The following LDLRAD4 variants were observed in gnomAD, a reference collection of about 807,000 sequenced individuals.
The protein encoded by LDLRAD4 is low-density lipoprotein receptor class A domain-containing protein 4.
Under a neutral mutation model 17.0 loss-of-function variants are expected in LDLRAD4, and 5 were observed. That is an observed-to-expected ratio of 0.29 (90% CI 0.15 to 0.62). LDLRAD4 has a LOEUF of 0.62. LDLRAD4 is among the 20% of genes least tolerant of loss of function. LDLRAD4 has a pLI of 0.84. For missense variants in LDLRAD4, 340 were observed against 424.7 expected, an observed-to-expected ratio of 0.80 and a Z score of 1.75; for synonymous variants, 168 against 171.8, an observed-to-expected ratio of 0.98 and a Z score of 0.17.
intron 3 of LDLRAD4, among the ~76,000 whole-genome samples, chr18:13,549,129 T>C (rs1009446488): frequency 1.3e-5 from 2 of 152,272 alleles, no homozygotes; most frequent in South Asian, 4.1e-4. Flanking sequence ...GGGGGTGGGC[T>C]GGTTGAGATG....
chr18:13,313,682 A>C (rs2080776098), intron 1 of LDLRAD4, among the ~76,000 whole-genome samples: 1 of 152,176 alleles, frequency 6.6e-6, no homozygotes, highest in African/African-American at 2.4e-5. Context: ...TACTGCGTTT[A>C]ATTGTACTTA....
intron 3 of LDLRAD4, among the ~76,000 whole-genome samples, chr18:13,480,776 T>C (rs1161036993): frequency 6.6e-6 from 1 of 152,210 alleles, no homozygotes; most frequent in Admixed American, 6.5e-5. Flanking sequence ...AGTGGAAGAA[T>C]GCTTTTAAAG....
intron 2 of LDLRAD4, among the ~76,000 whole-genome samples, chr18:13,396,256 A>C (rs1431132434): frequency 6.6e-6 from 1 of 152,216 alleles, no homozygotes; most frequent in African/African-American, 2.4e-5. Context: ...AAAGAATACA[A>C]AATAATAACG....
At chr18:13,531,261 A>G (rs1313954137) in intron 3 of LDLRAD4, among the ~76,000 whole-genome samples, 2 of 152,188 alleles carry the variant, frequency 1.3e-5, no homozygotes, top group Non-Finnish European at 2.9e-5. Flanking sequence ...GTACGGAGAC[A>G]GATGTGTGAC....
intron 3 of LDLRAD4, among the ~76,000 whole-genome samples, chr18:13,518,844 G>C (rs1255525185): frequency 6.6e-6 from 1 of 152,140 alleles, no homozygotes; most frequent in Non-Finnish European, 1.5e-5. Flanking sequence ...CTCATGGGTG[G>C]AGATAGTTGT....
intron 2 of LDLRAD4, chr18:13,427,584 A>C (rs2090040436): frequency 6.6e-6 from 1 of 152,264 alleles, no homozygotes; most frequent in Non-Finnish European, 1.5e-5. Context: ...TCAGCCAGAC[A>C]ATGGATTTTC....
chr18:13,620,082 G>A (rs563699513), intron 3 of LDLRAD4, among the ~76,000 whole-genome samples: 2 of 152,200 alleles, frequency 1.3e-5, no homozygotes, highest in Admixed American at 1.3e-4. Context: ...CAGGGTGTGG[G>A]CAGCAGACGC....
intron 2 of LDLRAD4, among the ~76,000 whole-genome samples, chr18:13,391,700 C>T (rs182497039): frequency 4.6e-5 from 7 of 152,220 alleles, no homozygotes; most frequent in Admixed American, 3.9e-4. Flanking sequence ...ATTTCCTACA[C>T]GCATCTTTGC....
chr18:13,481,027 G>A (rs1188984144), intron 3 of LDLRAD4, among the ~76,000 whole-genome samples: 3 of 152,246 alleles, frequency 2.0e-5, no homozygotes, highest in Admixed American at 6.5e-5. Flanking sequence ...TGTGGGAGCT[G>A]TGGATGCACA....
intron 3 of LDLRAD4, among the ~76,000 whole-genome samples, chr18:13,442,455 G>C (rs374882533): frequency 8.5e-5 from 13 of 152,368 alleles, no homozygotes; most frequent in African/African-American, 2.6e-4. Flanking sequence ...ATGAGCGTAG[G>C]TTGGCAATGA....
intron 3 of LDLRAD4, among the ~76,000 whole-genome samples, chr18:13,568,411 T>A (rs146647344): frequency 7.2e-5 from 11 of 152,244 alleles, no homozygotes; most frequent in African/African-American, 2.6e-4. Context: ...TCCCAGCACT[T>A]AGTGTCCAGC....
At chr18:13,277,484 A>T (rs1375599298), upstream of LDLRAD4, among the ~76,000 whole-genome samples, 1 of 152,180 alleles carries the variant, frequency 6.6e-6, no homozygotes, top group East Asian at 1.9e-4. Context: ...GGTTGTATGG[A>T]ATGGACAAAA....
chr18:13,238,579 C>T (rs1421330365), intron 1 of LDLRAD4, among the ~76,000 whole-genome samples: 2 of 152,152 alleles, frequency 1.3e-5, no homozygotes, highest in African/African-American at 4.8e-5. Flanking sequence ...GGACTCAGCA[C>T]CCACAGAACT....
chr18:13,373,277 A>G (rs182738558), intron 1 of LDLRAD4, among the ~76,000 whole-genome samples: 4 of 152,256 alleles, frequency 2.6e-5, no homozygotes, highest in Non-Finnish European at 5.9e-5. Flanking sequence ...CTAAAAAGCA[A>G]CTGGGTCTCA....
At chr18:13,365,030 A>G (rs1450761127) in intron 1 of LDLRAD4, among the ~76,000 whole-genome samples, 1 of 152,248 alleles carries the variant, frequency 6.6e-6, no homozygotes, top group Non-Finnish European at 1.5e-5. Context: ...GTGCAGTACA[A>G]GTAACTAAAG....
At chr18:13,275,182 A>G (rs2044786709), upstream of LDLRAD4, among the ~76,000 whole-genome samples, 1 of 152,352 alleles carries the variant, frequency 6.6e-6, no homozygotes, top group African/African-American at 2.4e-5. Flanking sequence ...TATTGATACT[A>G]ATGGAAAATT....
chr18:13,229,925 CT>C (rs1443528574), intron 1 of LDLRAD4, among the ~76,000 whole-genome samples: 2 of 152,328 alleles, frequency 1.3e-5, no homozygotes, highest in African/African-American at 4.8e-5. Flanking sequence ...GCTCAATGTA[CT>C]TTGGTCAATC....
At chr18:13,283,009 G>A (rs530699519) in intron 1 of LDLRAD4, among the ~76,000 whole-genome samples, 30 of 152,328 alleles carry the variant, frequency 2.0e-4, no homozygotes, top group South Asian at 4.1e-4. Flanking sequence ...GTCACAGCCT[G>A]AACTGTATGT....
Position 13,450,319 on chromosome 18 carries a change from T to TCCCCCCC in LDLRAD4, c.181+11941_181+11942insCCCCCCC, listed in dbSNP as rs200656760. The stretch of plus-strand genomic sequence containing the variant: ...CTGGGGCCAGTGCAGTTAGCTTCTC[T>TCCCCCCC]CCCCCCACCCCCCCCCCCAAAAAAA... On this transcript the variant is annotated intron_variant, in intron 3 of 5. Coordinates refer to ENST00000359446, the Ensembl canonical transcript of LDLRAD4. Among the ~76,000 whole-genome samples, 20 of 45,570 alleles carry TCCCCCCC rather than the reference T, an allele frequency of 4.4e-4. 1 individual carries two copies. The highest frequency in any genetic ancestry group is 5.9e-4 in the African/African-American group (7 of 11,944). 29.9% of individuals were successfully genotyped at this position (45,570 alleles called of 152,430 possible).
Sources: gnomAD v4.1 joint callset for allele counts (sites outside exome capture counted in the v4.1 genomes callset) on GRCh38, gnomAD v4.1.1 for gene constraint, MANE v1.5 for transcripts, NCBI Gene and HGNC (gene_info 2026-07-23, HGNC 2026-07-21) for gene names.